The following SNX7 variants were observed in gnomAD, a reference collection of about 807,000 sequenced individuals.
SNX7 encodes sorting nexin-7.
Under a neutral mutation model 48.4 loss-of-function variants are expected in SNX7, and 35 were observed. The ratio of observed to expected loss-of-function variants is 0.72; its 90% CI spans 0.55 to 0.96. The LOEUF (loss-of-function observed/expected upper bound fraction) is 0.96. Ranked by LOEUF, SNX7 falls within the 40% of genes least tolerant of loss-of-function variation. The probability of loss-of-function intolerance (pLI) is 0.00; values close to 1 mark genes in which losing one functional copy is unlikely to be tolerated. For missense variants in SNX7, 553 were observed against 548.9 expected (o/e 1.01, Z -0.07); for synonymous variants, 190 against 190.2 (o/e 1.00, Z 0.01).
intron 1 of SNX7, among the ~76,000 whole-genome samples, chr1:98,666,860 A>G (rs1570478863): frequency 6.6e-6 from 1 of 152,026 alleles, no homozygotes; most frequent in East Asian, 1.9e-4. Context: ...GCAACCTAAA[A>G]CCTCCATGTT....
At chr1:98,693,654 G>A (rs1247170924) in intron 4 of SNX7, among the ~76,000 whole-genome samples, 1 of 152,154 alleles carries the variant, frequency 6.6e-6, no homozygotes, top group Non-Finnish European at 1.5e-5. Context: ...GTATTGCCTG[G>A]TCAAGGATGG....
chr1:98,733,435 CTG>C (rs754960171), intron 7 of SNX7, among the ~76,000 whole-genome samples: 2 of 152,116 alleles, frequency 1.3e-5, no homozygotes, highest in Non-Finnish European at 2.9e-5. Context: ...CACTTGTCCT[CTG>C]TGAAAAGACG....
At chr1:98,757,672 TG>T (rs1386717505) in intron 8 of SNX7, among the ~76,000 whole-genome samples, 1 of 152,052 alleles carries the variant, frequency 6.6e-6, no homozygotes, top group African/African-American at 2.4e-5. Context: ...CACTATCCTT[TG>T]TTGCCTGATT....
In SNX7 at chr1:98,697,572, C is replaced by CAT. The variant is rs1651525630; in HGVS notation, c.839-1134_839-1133insAT. On this transcript the variant is annotated intron_variant, in intron 5 of 8. Transcript: ENST00000306121. ...AATCCAAAAATTTTTGAATACATAG[C>CAT]GTATCAAACACTGAATGGTCTTTGG... 4.6e-5 allele frequency among the ~76,000 whole-genome samples: 7 copies of CAT among 151,994 alleles called. No homozygotes were observed. In the South Asian group the frequency reaches 1.4e-3, roughly 31 times the overall value.
At chr1:98,691,244 T>A in intron 3 of SNX7, 59 bp downstream of exon 3, 1 of 1,021,464 alleles carries the variant, frequency 9.8e-7, no homozygotes, top group Non-Finnish European at 1.5e-6. Context: ...GTGAGTCTTT[T>A]TGAATGCCTA....
intron 8 of SNX7, among the ~76,000 whole-genome samples, chr1:98,748,178 G>C (rs1335475432): frequency 6.6e-6 from 1 of 151,700 alleles, no homozygotes; most frequent in Non-Finnish European, 1.5e-5. Context: ...TGGAGACGAG[G>C]GTTCACCATG....
chr1:98,670,870 T>TCTTA (rs1051765931), intron 1 of SNX7, among the ~76,000 whole-genome samples: 3 of 151,004 alleles, frequency 2.0e-5, no homozygotes, highest in Admixed American at 6.6e-5. Flanking sequence ...AGACAGTGAG[T>TCTTA]TTTATTTATT....
intron 1 of SNX7, among the ~76,000 whole-genome samples, chr1:98,669,502 C>T (rs946370091): frequency 1.3e-5 from 2 of 152,224 alleles, no homozygotes; most frequent in Non-Finnish European, 2.9e-5. Flanking sequence ...TTCTCCTTCA[C>T]CCCCACTCTC....
intron 5 of SNX7, 69 bp downstream of exon 5, chr1:98,695,785 G>A (rs1651422940): frequency 1.9e-5 from 21 of 1,098,108 alleles, no homozygotes; most frequent in Non-Finnish European, 2.5e-5. Context: ...ATTTGTTGGT[G>A]TAATATAGCA....
At chr1:98,740,297 A>G (rs1654005426) in intron 8 of SNX7, among the ~76,000 whole-genome samples, 1 of 152,142 alleles carries the variant, frequency 6.6e-6, no homozygotes, top group African/African-American at 2.4e-5. Context: ...CACAGAACTA[A>G]CCTTACCTCT....
chr1:98,720,198 T>C (rs1652792368), intron 7 of SNX7, among the ~76,000 whole-genome samples: 1 of 151,832 alleles, frequency 6.6e-6, no homozygotes, highest in African/African-American at 2.4e-5. Context: ...TGCTTGTCTA[T>C]TTACAGAGCT....
upstream of SNX7, chr1:98,661,684 G>C: frequency 8.4e-7 from 1 of 1,195,002 alleles, no homozygotes; most frequent in African/African-American, 1.6e-5. Flanking sequence ...GCTCGGGGGA[G>C]CCGGGCTGGC....
rs61309444 is a variant in SNX7 at position 98,684,097 on chromosome 1, C to A, written c.181-788C>A. Among the ~76,000 whole-genome samples the A allele has an allele frequency of 0.029, 4,442 of 152,254 alleles. 363 individuals are homozygous for A. In the East Asian group the frequency reaches 0.34, roughly 12 times the overall value. Reference sequence around the variant, plus strand: ...TTCTTGGTGCCTCCAATTCTTGAACCTTTCTGGCATTCTACATCATAAATA... The same window carrying A: ...TTCTTGGTGCCTCCAATTCTTGAACATTTCTGGCATTCTACATCATAAATA... On this transcript the variant is annotated intron_variant, in intron 1 of 8. Coordinates refer to ENST00000306121, the MANE Select transcript of SNX7 (RefSeq NM_015976.5).
At chr1:98,735,734 C>T (rs939607424) in intron 7 of SNX7, among the ~76,000 whole-genome samples, 1 of 151,944 alleles carries the variant, frequency 6.6e-6, no homozygotes, top group Non-Finnish European at 1.5e-5. Flanking sequence ...TATAAGAATC[C>T]CTATGAAATG....
intron 8 of SNX7, among the ~76,000 whole-genome samples, chr1:98,752,134 T>C (rs958647065): frequency 1.3e-5 from 2 of 152,128 alleles, no homozygotes; most frequent in African/African-American, 2.4e-5. Flanking sequence ...TTTGAGATTT[T>C]TTTGGTTGTA....
chr1:98,663,571 C>A (rs1649384774), intron 1 of SNX7, among the ~76,000 whole-genome samples: 1 of 151,972 alleles, frequency 6.6e-6, no homozygotes, highest in Non-Finnish European at 1.5e-5. Flanking sequence ...GCTGGAGTCG[C>A]AGATGTTCTA....
Position 98,690,631 on chromosome 1 carries a change from A to T in SNX7, c.364-444A>T, listed in dbSNP as rs560222036. The stretch of plus-strand genomic sequence containing the variant: ...CAAATTCCAAGAAAACATTTTTCTC[A>T]GTTACATTCAGGTTATTTTCCAAAT... On this transcript the variant is annotated intron_variant, in intron 2 of 8. Coordinates refer to ENST00000306121, the MANE Select transcript of SNX7 (RefSeq NM_015976.5). Among the ~76,000 whole-genome samples the T allele has an allele frequency of 2.2e-3, 338 of 152,098 alleles. 2 individuals carry two copies. Among genetic ancestry groups the T allele is most frequent in the Non-Finnish European group, 2.4e-3 (161 of 67,940 alleles).
Position 98,691,598 on chromosome 1 carries a change from A to T in SNX7, c.538A>T (p.Thr180Ser), listed in dbSNP as rs1174041935. Residue 180 changes from threonine (T) to serine (S), a missense_variant, in exon 4 of 9, where the codon ACA (threonine) becomes TCA (serine). Physicochemically the swap from Thr to Ser is moderately conservative, Grantham distance 58 (BLOSUM62 1). Coordinates refer to ENST00000306121, the MANE Select transcript of SNX7 (RefSeq NM_015976.5). Reference sequence around the variant, plus strand: ...ACGCTTTAACGATGACTTCATTGAGACACGCAGGAAGGCTTTACATAAATT... The same window carrying T: ...ACGCTTTAACGATGACTTCATTGAGTCACGCAGGAAGGCTTTACATAAATT... ...VERFNDDFIE[T>S]RRKALHKFLN... The T allele has an allele frequency of 6.2e-7, 1 of 1,611,392 alleles. No homozygotes were observed. The highest frequency in any genetic ancestry group is 1.3e-5 in the African/African-American group (1 of 74,760).
chr1:98,754,921 T>C (rs1454972319), intron 8 of SNX7, among the ~76,000 whole-genome samples: 1 of 152,034 alleles, frequency 6.6e-6, no homozygotes, highest in East Asian at 1.9e-4. Context: ...CTTTCCTCTT[T>C]TCATGTGTAG....
Sources: allele counts gnomAD v4.1 joint callset (sites outside exome capture counted in the v4.1 genomes callset), GRCh38; gene constraint gnomAD v4.1.1; transcripts MANE v1.5; gene names NCBI Gene and HGNC (gene_info 2026-07-23, HGNC 2026-07-21).